Variants in MAPKAP1 observed in about 807,000 individuals in gnomAD.
MAPKAP1 encodes target of rapamycin complex 2 subunit MAPKAP1.
In MAPKAP1, 20 loss-of-function variants were observed where a neutral mutation model predicts 65.7. The observed-to-expected ratio is 0.30, with a 90% confidence interval of 0.21 to 0.44. The LOEUF (loss-of-function observed/expected upper bound fraction) is 0.44. MAPKAP1 is among the 20% of genes least tolerant of loss of function. The pLI is 1.00. For synonymous variants in MAPKAP1, 222 were observed against 244.3 expected (o/e 0.91, Z 0.85); for missense variants, 423 against 648.0 (o/e 0.65, Z 3.77).
At chr9:125,516,114 C>T (rs979431208) in intron 7 of MAPKAP1, among the ~76,000 whole-genome samples, 2 of 152,188 alleles carry the variant, frequency 1.3e-5, no homozygotes, top group Admixed American at 6.5e-5. Flanking sequence ...CCAGCAGTGC[C>T]GCACTGACCT....
At chr9:125,612,198 G>A (rs2131632164) in intron 4 of MAPKAP1, among the ~76,000 whole-genome samples, 1 of 152,264 alleles carries the variant, frequency 6.6e-6, no homozygotes, top group South Asian at 2.1e-4. Context: ...TTAAACTTCA[G>A]ATTTTCAGAG....
At chr9:125,689,485 G>A (rs867919803) in intron 1 of MAPKAP1, among the ~76,000 whole-genome samples, 80 of 131,714 alleles carry the variant, frequency 6.1e-4, no homozygotes, top group Non-Finnish European at 3.8e-4. Flanking sequence ...AGTGGCTCAC[G>A]CCTATAATCC....
At chr9:125,529,450 T>C (rs569428098) in intron 7 of MAPKAP1, among the ~76,000 whole-genome samples, 1 of 151,126 alleles carries the variant, frequency 6.6e-6, no homozygotes, top group East Asian at 1.9e-4. Context: ...ATTCTTAGAC[T>C]TCAGTTACAC....
At chr9:125,590,425 G>A (rs1211001411) in intron 4 of MAPKAP1, among the ~76,000 whole-genome samples, 2 of 152,086 alleles carry the variant, frequency 1.3e-5, no homozygotes, top group African/African-American at 2.4e-5. Flanking sequence ...AAAGGTGGGT[G>A]GATCACCTTG....
intron 8 of MAPKAP1, chr9:125,506,087 T>C (rs985001707): frequency 8.8e-6 from 5 of 567,882 alleles, no homozygotes; most frequent in Non-Finnish European, 1.6e-5. Context: ...CAGGAAAATA[T>C]TAATCACAGA....
At chr9:125,662,244 T>C (rs1371583169) in intron 3 of MAPKAP1, among the ~76,000 whole-genome samples, 1 of 152,040 alleles carries the variant, frequency 6.6e-6, no homozygotes, top group East Asian at 1.9e-4. Flanking sequence ...TAGCCAGGAA[T>C]GGTGACATGT....
chr9:125,642,817 C>T (rs1346153319), intron 4 of MAPKAP1, among the ~76,000 whole-genome samples: 1 of 152,154 alleles, frequency 6.6e-6, no homozygotes. Context: ...AGAGCCTGGA[C>T]ACAGGTTGGG....
At chr9:125,545,791 C>T (rs1003271896) in intron 6 of MAPKAP1, among the ~76,000 whole-genome samples, 4 of 152,136 alleles carry the variant, frequency 2.6e-5, no homozygotes, top group Non-Finnish European at 5.9e-5. Flanking sequence ...TTTACCAAAA[C>T]GTACCTGGGT....
At chr9:125,562,336 A>G (rs1476857172) in intron 5 of MAPKAP1, among the ~76,000 whole-genome samples, 12 of 152,224 alleles carry the variant, frequency 7.9e-5, no homozygotes, top group African/African-American at 2.9e-4. Flanking sequence ...TTCAAAACAC[A>G]TTTGTAAAGT....
At chr9:125,678,189 A>G (rs1834708636) in intron 1 of MAPKAP1, among the ~76,000 whole-genome samples, 1 of 152,162 alleles carries the variant, frequency 6.6e-6, no homozygotes, top group African/African-American at 2.4e-5. Flanking sequence ...AAGTGTTGGG[A>G]TTACAGGCGT....
At chr9:125,518,467 G>A (rs1016521571) in intron 7 of MAPKAP1, among the ~76,000 whole-genome samples, 3 of 152,052 alleles carry the variant, frequency 2.0e-5, no homozygotes, top group South Asian at 2.1e-4. Context: ...ACTTGAGAGC[G>A]GGAGCTCGAG....
chr9:125,503,068 T>G (rs1829032561), intron 8 of MAPKAP1, among the ~76,000 whole-genome samples: 1 of 152,194 alleles, frequency 6.6e-6, no homozygotes, highest in African/African-American at 2.4e-5. Flanking sequence ...TACACCAGAT[T>G]TCAGTTGCTA....
intron 4 of MAPKAP1, among the ~76,000 whole-genome samples, chr9:125,594,805 G>C (rs1036574061): frequency 2.0e-5 from 3 of 152,128 alleles, no homozygotes; most frequent in African/African-American, 7.2e-5. Context: ...TTTCATGCTA[G>C]CTGGCTAAAT....
In MAPKAP1 at chr9:125,595,687, T is replaced by G; in HGVS notation, c.499-9960A>C. On this transcript the variant is annotated intron_variant, in intron 4 of 11. Coordinates refer to ENST00000265960, the MANE Select transcript of MAPKAP1 (RefSeq NM_001006617.3). The surrounding 1 kb of genome is among the most constrained non-coding windows in gnomAD (Gnocchi z 4.0). ...CCTGCCGTCCTAAGTCAGAGTCTCC[T>G]AAAGAGCCGGAACAGCTAAGGAATC... 6.5e-7 allele frequency: 1 copy of G among 1,547,878 alleles called. No homozygotes were observed. The highest frequency in any genetic ancestry group is 8.7e-7 in the Non-Finnish European group (1 of 1,152,870).
chr9:125,495,781 T>C (rs1854920341), intron 8 of MAPKAP1, among the ~76,000 whole-genome samples: 1 of 152,184 alleles, frequency 6.6e-6, no homozygotes, highest in South Asian at 2.1e-4. Flanking sequence ...TCAGCACAGC[T>C]TTTTGCCCCA....
intron 10 of MAPKAP1, among the ~76,000 whole-genome samples, chr9:125,459,248 A>C (rs1338911607): frequency 2.7e-5 from 4 of 149,128 alleles, no homozygotes; most frequent in Admixed American, 1.3e-4. Flanking sequence ...CTCACTTCCT[A>C]GATGTGATGG....
chr9:125,658,293 T>C (rs1214402630), intron 3 of MAPKAP1, among the ~76,000 whole-genome samples: 1 of 152,178 alleles, frequency 6.6e-6, no homozygotes, highest in African/African-American at 2.4e-5. Context: ...TACAAACTCT[T>C]GATGCCAAAG....
At chr9:125,450,675 A>G (rs1211750574) in intron 10 of MAPKAP1, among the ~76,000 whole-genome samples, 1 of 152,156 alleles carries the variant, frequency 6.6e-6, no homozygotes, top group East Asian at 1.9e-4. Context: ...TCAGGCATGG[A>G]TACTTTTTGA....
intron 6 of MAPKAP1, among the ~76,000 whole-genome samples, chr9:125,551,981 C>T (rs1830597896): frequency 6.6e-6 from 1 of 152,176 alleles, no homozygotes; most frequent in African/African-American, 2.4e-5. Flanking sequence ...TGGGCACTAT[C>T]TGAGCTCCAG....
Sources: allele counts gnomAD v4.1 joint callset (sites outside exome capture counted in the v4.1 genomes callset), GRCh38; gene constraint gnomAD v4.1.1; non-coding constraint Gnocchi (gnomAD v3.1); transcripts MANE v1.5; gene names NCBI Gene and HGNC (gene_info 2026-07-23, HGNC 2026-07-21).